Variants in SPTLC3 observed in about 807,000 individuals in gnomAD.
The protein encoded by SPTLC3 is serine palmitoyltransferase 3.
A neutral mutation model predicts 59.3 loss-of-function variants in SPTLC3; 36 were observed. That is an observed-to-expected ratio of 0.61 (90% CI 0.47 to 0.80). SPTLC3 has a LOEUF of 0.80. SPTLC3 is among the 30% of genes least tolerant of loss of function. The probability of loss-of-function intolerance (pLI) is 0.00; values close to 1 mark genes in which losing one functional copy is unlikely to be tolerated. For missense variants in SPTLC3, 625 were observed against 685.1 expected (o/e 0.91, Z 0.98); for synonymous variants, 257 against 240.8 (o/e 1.07, Z -0.62).
At chr20:13,049,224 A>G (rs762340196) in intron 2 of SPTLC3, 94 bp downstream of exon 2, 9 of 1,375,024 alleles carry the variant, frequency 6.5e-6, no homozygotes, top group Middle Eastern at 1.8e-4. Flanking sequence ...CCTAGAAAGC[A>G]TGAGGTGCTC....
chr20:13,085,744 C>T (rs1988983881), intron 4 of SPTLC3, among the ~76,000 whole-genome samples: 1 of 152,190 alleles, frequency 6.6e-6, no homozygotes, highest in Non-Finnish European at 1.5e-5. Context: ...ATTCAGTAGA[C>T]ATGCATACAG....
chr20:13,049,278 C>T (rs1349403445), intron 2 of SPTLC3, 148 bp downstream of exon 2: 1 of 832,848 alleles, frequency 1.2e-6, no homozygotes. Context: ...ACCTCCTAAA[C>T]CCCATTACCC....
At chr20:13,087,522 C>G (rs1989042709) in intron 4 of SPTLC3, among the ~76,000 whole-genome samples, 1 of 152,206 alleles carries the variant, frequency 6.6e-6, no homozygotes, top group Admixed American at 6.5e-5. Flanking sequence ...GCCATTTGAT[C>G]TTCTTCCCTG....
At chr20:13,082,212 T>C (rs531167395) in intron 4 of SPTLC3, among the ~76,000 whole-genome samples, 91 of 152,284 alleles carry the variant, frequency 6.0e-4, no homozygotes, top group African/African-American at 2.0e-3. Context: ...CCACCTTCCA[T>C]CTTCCCACAT....
intron 2 of SPTLC3, among the ~76,000 whole-genome samples, chr20:13,057,787 A>G (rs1191545809): frequency 6.6e-6 from 1 of 152,234 alleles, no homozygotes; most frequent in African/African-American, 2.4e-5. Context: ...ATAAAAGACA[A>G]CTTTAGAGTT....
intron 2 of SPTLC3, among the ~76,000 whole-genome samples, chr20:13,067,525 C>T (rs983466706): frequency 3.9e-5 from 6 of 152,086 alleles, no homozygotes; most frequent in African/African-American, 1.4e-4. Flanking sequence ...TCTTGATGGT[C>T]TTTCGAGGCA....
chr20:13,139,884 G>A (rs1295602411), intron 9 of SPTLC3, among the ~76,000 whole-genome samples: 2 of 152,182 alleles, frequency 1.3e-5, no homozygotes, highest in African/African-American at 4.8e-5. Context: ...ACTGAATATG[G>A]ATCTCTCCTC....
chr20:13,067,099 A>ATATATG (rs1988250777), intron 2 of SPTLC3, among the ~76,000 whole-genome samples: 1 of 20,376 alleles, frequency 4.9e-5, no homozygotes, highest in South Asian at 1.1e-3. Context: ...ATATATATAT[A>ATATATG]TATGTATTCA....
intron 10 of SPTLC3, among the ~76,000 whole-genome samples, chr20:13,159,579 T>C (rs920559755): frequency 4.6e-5 from 7 of 152,192 alleles, no homozygotes; most frequent in African/African-American, 1.7e-4. Flanking sequence ...ATAAAACATA[T>C]AGGTTTACAA....
chr20:13,055,174 C>T (rs188899636), intron 2 of SPTLC3, among the ~76,000 whole-genome samples: 4 of 151,776 alleles, frequency 2.6e-5, no homozygotes, highest in Non-Finnish European at 5.9e-5. Context: ...AACATCACAT[C>T]CATTACAATG....
rs1277034518 is a variant in SPTLC3 at position 13,049,041 on chromosome 20, A to G, written c.214A>G (p.Ile72Val). Residue 72 changes from isoleucine (I) to valine (V), a missense_variant, in exon 2 of 12, where the codon ATT becomes GTT. Ile to Val is a conservative substitution (Grantham distance 29). Transcript: ENST00000399002. ...GGTTTTCACTTACATGGGATATGGA[A>G]TTGGAACCCTGTTTGGCTATCTCAG... ...VMVFTYMGYG[I>V]GTLFGYLRDF... 10 of 1,613,888 alleles carry G rather than the reference A, an allele frequency of 6.2e-6. No individual in the cohort carries two copies. Among genetic ancestry groups the G allele is most frequent in the Non-Finnish European group, 7.6e-6 (9 of 1,179,886 alleles).
In SPTLC3 at chr20:13,034,443, C is replaced by T. The variant is rs147296280; in HGVS notation, c.118-14502C>T. ...GGCAAAGGTACATACTTTTTTTTCC[C>T]AAACTCTTTTTGTTGATGGCCATCT... On this transcript the variant is annotated intron_variant, in intron 1 of 11. Coordinates refer to ENST00000399002, the MANE Select transcript of SPTLC3 (RefSeq NM_018327.4). Among the ~76,000 whole-genome samples the T allele has an allele frequency of 4.9e-3, 746 of 152,178 alleles. 4 individuals carry two copies. Among genetic ancestry groups the T allele is most frequent in the African/African-American group, 0.016 (664 of 41,528 alleles).
At chr20:13,155,938 A>G (rs568905322) in intron 10 of SPTLC3, among the ~76,000 whole-genome samples, 1 of 152,332 alleles carries the variant, frequency 6.6e-6, no homozygotes, top group East Asian at 1.9e-4. Context: ...TGAGGACATA[A>G]TGTGCTACAG....
chr20:13,036,339 A>G (rs897346819), intron 1 of SPTLC3, among the ~76,000 whole-genome samples: 6 of 152,006 alleles, frequency 3.9e-5, no homozygotes, highest in Non-Finnish European at 5.9e-5. Flanking sequence ...AGATAGCAAG[A>G]CCAACCTCTT....
At chr20:13,010,291 ACAGGGAGCCC>A (rs1185693333) in intron 1 of SPTLC3, among the ~76,000 whole-genome samples, 2 of 152,302 alleles carry the variant, frequency 1.3e-5, no homozygotes, top group Admixed American at 6.5e-5. Flanking sequence ...GAGAAGTGGC[ACAGGGAGCCC>A]CATGCAATCT....
chr20:13,028,247 T>A (rs542515122), intron 1 of SPTLC3, among the ~76,000 whole-genome samples: 11 of 152,340 alleles, frequency 7.2e-5, no homozygotes, highest in African/African-American at 2.6e-4. Flanking sequence ...TGATTTTTTT[T>A]AAGATCTTAG....
intron 10 of SPTLC3, among the ~76,000 whole-genome samples, chr20:13,158,844 T>C (rs1001253913): frequency 3.3e-5 from 5 of 152,226 alleles, no homozygotes; most frequent in Non-Finnish European, 5.9e-5. Context: ...AACAAGTGAA[T>C]GGAAGAGCAG....
intron 6 of SPTLC3, among the ~76,000 whole-genome samples, chr20:13,104,691 T>C (rs1488292441): frequency 6.6e-6 from 1 of 152,172 alleles, no homozygotes; most frequent in South Asian, 2.1e-4. Context: ...AATGCTCAAA[T>C]AGTGGTCATT....
At chr20:13,111,423 T>C (rs1413714103) in intron 7 of SPTLC3, among the ~76,000 whole-genome samples, 2 of 152,168 alleles carry the variant, frequency 1.3e-5, no homozygotes, top group African/African-American at 4.8e-5. Context: ...TGGCATATGG[T>C]GGACAGAGGC....
Sources: gnomAD v4.1 joint callset for allele counts (sites outside exome capture counted in the v4.1 genomes callset) on GRCh38, gnomAD v4.1.1 for gene constraint, MANE v1.5 for transcripts, NCBI Gene and HGNC (gene_info 2026-07-23, HGNC 2026-07-21) for gene names.